The following ARHGEF10 variants were observed in gnomAD, a reference collection of about 807,000 sequenced individuals.
The protein encoded by ARHGEF10 is Rho guanine nucleotide exchange factor (GEF) 10.
ARHGEF10 carries 140 observed loss-of-function variants against 147.4 expected under a neutral mutation model. The observed-to-expected ratio is 0.95, with a 90% CI of 0.83 to 1.09. The LOEUF is 1.09. Ranked by LOEUF, ARHGEF10 falls within the 50% of genes least tolerant of loss-of-function variation. The pLI, the probability that ARHGEF10 is intolerant of heterozygous loss-of-function variation, is 0.00. For synonymous variants in ARHGEF10, 902 were observed against 695.8 expected (o/e 1.30, Z -4.67); for missense variants, 2,222 against 1,752.7 (o/e 1.27, Z -4.78).
chr8:1,831,884 G>A (rs914525758), intron 1 of ARHGEF10, among the ~76,000 whole-genome samples: 1 of 152,230 alleles, frequency 6.6e-6, no homozygotes, highest in Non-Finnish European at 1.5e-5. Flanking sequence ...GGTCAGGAGT[G>A]CCCTGGAGGG....
intron 26 of ARHGEF10, among the ~76,000 whole-genome samples, chr8:1,941,576 G>C (rs781628523): frequency 6.6e-6 from 1 of 151,884 alleles, no homozygotes; most frequent in Non-Finnish European, 1.5e-5. Flanking sequence ...CTAAATTTCT[G>C]CTGCCTTTTT....
At chr8:1,932,726 G>T (rs372210932) in intron 25 of ARHGEF10, among the ~76,000 whole-genome samples, 2 of 152,230 alleles carry the variant, frequency 1.3e-5, no homozygotes, top group African/African-American at 4.8e-5. Context: ...ACAGAAGTCA[G>T]AGCTTGCATA....
At chr8:1,877,598 G>A (rs892557615) in intron 8 of ARHGEF10, among the ~76,000 whole-genome samples, 1 of 151,452 alleles carries the variant, frequency 6.6e-6, no homozygotes, top group South Asian at 2.1e-4. Flanking sequence ...TAGGGTGTGA[G>A]GTGGGATGTC....
At chr8:1,832,857 C>CAGGCAGAGGCAGAGACAG (rs1803272922) in intron 1 of ARHGEF10, among the ~76,000 whole-genome samples, 1 of 97,502 alleles carries the variant, frequency 1.0e-5, no homozygotes, top group Non-Finnish European at 2.1e-5. Context: ...CAGAGAGAGA[C>CAGGCAGAGGCAGAGACAG]AGAGGCAGAG....
rs762768196 is a variant in ARHGEF10, at chr8:1,929,269, G to C, written c.2922-17G>C. The stretch of plus-strand genomic sequence containing the variant: ...AACGAGCAAATATATTTATTAGCTT[G>C]TATTTTTCTCTTAAAGCATTTCCAT... On this transcript the variant is annotated splice_polypyrimidine_tract_variant and intron_variant, in intron 24 of 28. Coordinates refer to ENST00000349830, the MANE Select transcript of ARHGEF10 (RefSeq NM_014629.4). 14 of 1,613,326 alleles carry C rather than the reference G, an allele frequency of 8.7e-6. No homozygotes were observed. The African/African-American group carries it at 1.6e-4, about 18-fold the overall frequency.
intron 18 of ARHGEF10, among the ~76,000 whole-genome samples, chr8:1,916,810 CT>C (rs1037426412): frequency 6.6e-6 from 1 of 152,200 alleles, no homozygotes; most frequent in African/African-American, 2.4e-5. Context: ...GTTGAAAACA[CT>C]AAAACGTTTA....
chr8:1,872,773 T>C (rs1807236403), intron 7 of ARHGEF10, among the ~76,000 whole-genome samples: 1 of 152,126 alleles, frequency 6.6e-6, no homozygotes, highest in Admixed American at 6.5e-5. Context: ...CTCACGGCGT[T>C]CGTTAATTTA....
Position 1,902,698 on chromosome 8 carries a change from C to T in ARHGEF10, c.1651-583C>T, listed in dbSNP as rs140375742. ...CCCAGCGGCCACAGTCGCAGGAGGG[C>T]GTACCCTTGTGCTGTGCATTCGGTG... On this transcript the variant is annotated intron_variant, in intron 15 of 28. Transcript: ENST00000349830. 5.2e-3 allele frequency among the ~76,000 whole-genome samples: 790 copies of T among 152,224 alleles called. 9 individuals are homozygous for T. Among genetic ancestry groups the T allele is most frequent in the African/African-American group, 0.018 (751 of 41,538 alleles).
chr8:1,901,135 C>G (rs1810420251), intron 15 of ARHGEF10, among the ~76,000 whole-genome samples: 1 of 152,014 alleles, frequency 6.6e-6, no homozygotes. Flanking sequence ...GGGGCCCTAC[C>G]TCAGGTGTGG....
chr8:1,894,549 A>C lies in ARHGEF10; in HGVS notation c.1417A>C (p.Ile473Leu). 2 of 1,614,138 alleles carry C rather than the reference A, an allele frequency of 1.2e-6. No individual in the cohort carries two copies. The highest frequency in any genetic ancestry group is 1.7e-6 in the Non-Finnish European group (2 of 1,180,014). The change falls in exon 13 of 29, where the codon ATA becomes CTA. Residue 473 changes from isoleucine (I) to leucine (L), a missense_variant. Ile to Leu is a conservative substitution (Grantham distance 5, BLOSUM62 2). Coordinates refer to ENST00000349830, the MANE Select transcript of ARHGEF10 (RefSeq NM_014629.4). ...TTCCGAGTGGGACTCCGTGGAAATG[A>C]TAGGCGATGTCTTCGTGGCTTCGGT... is the stretch of plus-strand genomic sequence containing the variant. ...RVSEWDSVEM[I>L]GDVFVASFSK...
chr8:1,926,587 A>T, intron 23 of ARHGEF10, 124 bp downstream of exon 23: 2 of 862,380 alleles, frequency 2.3e-6, no homozygotes, highest in Non-Finnish European at 1.9e-6. Context: ...CCCAGAGTGT[A>T]CTTAGAAACA....
rs1191657969 is a variant in ARHGEF10 at position 1,885,605 on chromosome 8, C to G, written c.1080C>G (p.His360Gln). ...CATTTTGACTTTTTTTTTAAGATCA[C>G]AGATCTTCTCTTGAGGAAGAACAGA... ...IRTKSLIAQD[H>Q]RSSLEEEQNL... The change falls in exon 11 of 29, where the codon CAC (histidine) becomes CAG (glutamine). Residue 360 changes from histidine (H) to glutamine (Q), a missense_variant. His to Gln is a conservative substitution (Grantham distance 24, BLOSUM62 0). Transcript: ENST00000349830. The G allele has an allele frequency of 5.0e-6, 8 of 1,609,642 alleles. No homozygotes were observed. In the Admixed American group the frequency reaches 8.3e-5, roughly 17 times the overall value.
At chr8:1,905,176 T>C (rs1311343228) in intron 16 of ARHGEF10, among the ~76,000 whole-genome samples, 1 of 152,156 alleles carries the variant, frequency 6.6e-6, no homozygotes, top group Non-Finnish European at 1.5e-5. Flanking sequence ...TCGCATACCA[T>C]TGTCTTGGTT....
In ARHGEF10 at chr8:1,937,054, CTT is replaced by C. The variant is rs757326619; in HGVS notation, c.3222+3118_3222+3119del. On this transcript the variant is annotated intron_variant, in intron 26 of 28. Transcript: ENST00000349830. This position sits in a 1 kb window ranked among gnomAD's most constrained non-coding sequence, Gnocchi z 4.9. ...TCATGAATAGCATTCCCGCGTGAGT[CTT>C]TTTTTGACACAGCCTCCCCGACGTC... is the stretch of plus-strand genomic sequence containing the variant. Among the ~76,000 whole-genome samples the C allele has an allele frequency of 4.6e-5, 7 of 152,282 alleles. No homozygotes were observed. In the East Asian group the frequency reaches 5.8e-4, roughly 13 times the overall value.
At chr8:1,837,537 AAAC>A (rs1201889118) in intron 1 of ARHGEF10, among the ~76,000 whole-genome samples, 1 of 152,242 alleles carries the variant, frequency 6.6e-6, no homozygotes, top group African/African-American at 2.4e-5. Context: ...AATGGAGAGT[AAAC>A]AACAGGGCTT....
chr8:1,911,560 G>C (rs1262996258), intron 18 of ARHGEF10, among the ~76,000 whole-genome samples: 1 of 152,252 alleles, frequency 6.6e-6, no homozygotes, highest in East Asian at 1.9e-4. Flanking sequence ...GCATGGTGCT[G>C]TCTTGCATTT....
At chr8:1,935,827 C>T (rs560084735) in intron 26 of ARHGEF10, among the ~76,000 whole-genome samples, 3 of 152,186 alleles carry the variant, frequency 2.0e-5, no homozygotes, top group African/African-American at 7.2e-5. Context: ...GCTCAGGCAG[C>T]GGGAGGAGGC....
intron 8 of ARHGEF10, among the ~76,000 whole-genome samples, chr8:1,879,381 T>C (rs1807982006): frequency 6.6e-6 from 1 of 152,146 alleles, no homozygotes; most frequent in African/African-American, 2.4e-5. Context: ...AAAAATGATT[T>C]TATGTATTTT....
At chr8:1,902,506 T>C (rs1055272914) in intron 15 of ARHGEF10, among the ~76,000 whole-genome samples, 3 of 152,158 alleles carry the variant, frequency 2.0e-5, no homozygotes, top group Admixed American at 1.3e-4. Context: ...ACTCCCTTTT[T>C]TTAAAGACTA....
Sources: gnomAD v4.1 joint callset for allele counts (sites outside exome capture counted in the v4.1 genomes callset) on GRCh38, gnomAD v4.1.1 for gene constraint, Gnocchi (gnomAD v3.1) non-coding constraint, MANE v1.5 for transcripts, NCBI Gene and HGNC (gene_info 2026-07-23, HGNC 2026-07-21) for gene names.